Variants in CAPN9 observed in about 807,000 individuals in gnomAD.
CAPN9 encodes the protein calpain-9.
A neutral mutation model predicts 92.8 loss-of-function variants in CAPN9; 81 were observed. The ratio of observed to expected loss-of-function variants is 0.87; its 90% CI spans 0.73 to 1.05. The LOEUF is 1.05. CAPN9 is among the 50% of genes least tolerant of loss of function. The pLI is 0.00. For synonymous variants in CAPN9, 304 were observed against 328.0 expected, an observed-to-expected ratio of 0.93 and a Z score of 0.79; for missense variants, 848 against 866.2, an observed-to-expected ratio of 0.98 and a Z score of 0.26.
chr1:230,787,497 GC>G, intron 12 of CAPN9, 24 bp from the exon 13 acceptor site: 1 of 1,597,906 alleles, frequency 6.3e-7, no homozygotes, highest in East Asian at 2.2e-5. Context: ...ATCATTTTGT[GC>G]AAGTTTCTTT....
intron 14 of CAPN9, among the ~76,000 whole-genome samples, chr1:230,790,998 T>G (rs2102926268): frequency 6.6e-6 from 1 of 152,352 alleles, no homozygotes; most frequent in Non-Finnish European, 1.5e-5. Flanking sequence ...TCTGACTGGC[T>G]TTTCTCACAT....
At chr1:230,751,547 A>G (rs1215228262) in intron 1 of CAPN9, among the ~76,000 whole-genome samples, 1 of 150,544 alleles carries the variant, frequency 6.6e-6, no homozygotes, top group Non-Finnish European at 1.5e-5. Context: ...GATAGAAAAA[A>G]AGAAAGGAAG....
At chr1:230,762,320 C>T (rs1490835261) in intron 3 of CAPN9, among the ~76,000 whole-genome samples, 1 of 152,222 alleles carries the variant, frequency 6.6e-6, no homozygotes, top group Admixed American at 6.5e-5. Context: ...CCCACAAAAA[C>T]AACTTTCTTG....
intron 12 of CAPN9, 56 bp from the exon 13 acceptor site, chr1:230,787,466 T>A: frequency 2.0e-6 from 3 of 1,489,686 alleles, no homozygotes; most frequent in Non-Finnish European, 2.8e-6. Context: ...CTGCTATTTT[T>A]GTCATGTTTC....
chr1:230,769,661 CTATCTATCTATCT>C (rs1359102822), intron 6 of CAPN9, among the ~76,000 whole-genome samples: 3 of 124,010 alleles, frequency 2.4e-5, no homozygotes, highest in Admixed American at 8.0e-5. Flanking sequence ...ATCTATCTAT[CTATCTATCTATCT>C]ATCTATCTAC....
intron 11 of CAPN9, 51 bp downstream of exon 11, chr1:230,780,759 C>A: frequency 6.8e-7 from 1 of 1,479,898 alleles, no homozygotes; most frequent in Non-Finnish European, 9.4e-7. Context: ...GTGGTTTATT[C>A]ACACAGAAGT....
chr1:230,775,916 C>CAAA (rs34406575), intron 8 of CAPN9, among the ~76,000 whole-genome samples: 15 of 110,556 alleles, frequency 1.4e-4, no homozygotes, highest in African/African-American at 4.4e-4. Flanking sequence ...TACTCCATCT[C>CAAA]AAAAAAAAAA....
At chr1:230,772,625 C>A (rs967201503) in intron 7 of CAPN9, among the ~76,000 whole-genome samples, 1 of 152,096 alleles carries the variant, frequency 6.6e-6, no homozygotes, top group Non-Finnish European at 1.5e-5. Flanking sequence ...GCCTATAATT[C>A]CAACACGTCA....
At position 230,778,569 on chromosome 1, in the gene CAPN9, G is replaced by A. The variant is rs186058145; in HGVS notation, c.954-404G>A. On this transcript the variant is annotated intron_variant, in intron 8 of 19. Coordinates refer to ENST00000271971, the MANE Select transcript of CAPN9 (RefSeq NM_006615.3). ...AGCACCTCAAGCACCTCTCTGCCTC[G>A]GGGCCTTGCTGTCCATCTGCCTAGA... 1.7e-4 allele frequency among the ~76,000 whole-genome samples: 26 copies of A among 152,086 alleles called. No homozygotes were observed. In the East Asian group the frequency reaches 2.5e-3, roughly 15 times the overall value.
chr1:230,795,293 G>A lies in CAPN9; in HGVS notation c.1987+14G>A, dbSNP rs200722745. On this transcript the variant is annotated intron_variant, in intron 18 of 19. Coordinates refer to ENST00000271971, the MANE Select transcript of CAPN9 (RefSeq NM_006615.3). Reference sequence around the variant, plus strand: ...AGAATGCGAGCCGTAAGTGTCCAGCGAGGCTGAGGGTGCACCTCGGGGTGG... The same window carrying A: ...AGAATGCGAGCCGTAAGTGTCCAGCAAGGCTGAGGGTGCACCTCGGGGTGG... 84 of 1,538,048 alleles carry A rather than the reference G, an allele frequency of 5.5e-5. No homozygotes were observed. The highest frequency in any genetic ancestry group is 2.7e-4 in the Admixed American group (16 of 59,844).
chr1:230,754,850 G>A (rs28359596), intron 1 of CAPN9, among the ~76,000 whole-genome samples: 2,606 of 152,240 alleles, frequency 0.017, 34 homozygotes, highest in Admixed American at 0.026. Context: ...CTTTGTGGGG[G>A]AAGGATTATA....
intron 1 of CAPN9, among the ~76,000 whole-genome samples, chr1:230,751,647 GAAAGAAAGAAAGAAAGAAAGAA>G (rs1664830246): frequency 4.8e-5 from 5 of 104,006 alleles, no homozygotes; most frequent in Admixed American, 8.7e-5. Context: ...AAGAAAGAAA[GAAAGAAAGAAAGAAAGAAAGAA>G]AGAAAGAAAG....
chr1:230,772,012 A>G lies in CAPN9; in HGVS notation c.790-2A>G, dbSNP rs770858038. 5.0e-6 allele frequency: 8 copies of G among 1,613,732 alleles called. No individual in the cohort carries two copies. Among genetic ancestry groups the G allele is most frequent in the Non-Finnish European group, 6.8e-6 (8 of 1,179,604 alleles). On this transcript the variant is annotated splice_acceptor_variant, in intron 6 of 19. Transcript: ENST00000271971. LOFTEE classifies it high-confidence loss of function. ...CACTTCCCTCATGCTTTTCCCTTCTAGGTAAGCTTCCGAGGCCAGAGAATC... is the reference window on the plus strand; with the variant it reads ...CACTTCCCTCATGCTTTTCCCTTCTGGGTAAGCTTCCGAGGCCAGAGAATC...
Position 230,780,724 on chromosome 1 carries a change from A to G in CAPN9, c.1481+16A>G. 6.2e-7 allele frequency: 1 copy of G among 1,605,560 alleles called. No individual in the cohort carries two copies. The stretch of plus-strand genomic sequence containing the variant: ...CCATTACCCGGTGAGTCAGAGGAAC[A>G]GCTTCCAGAATCCCACTTCTTTTAG... On this transcript the variant is annotated intron_variant, in intron 11 of 19. Transcript: ENST00000271971.
intron 11 of CAPN9, among the ~76,000 whole-genome samples, chr1:230,781,470 G>C (rs1384685084): frequency 6.6e-6 from 1 of 152,166 alleles, no homozygotes; most frequent in East Asian, 1.9e-4. Context: ...TGGCAAATCT[G>C]CCTCTCATTT....
chr1:230,752,047 C>T (rs921148711), intron 1 of CAPN9, among the ~76,000 whole-genome samples: 9 of 152,176 alleles, frequency 5.9e-5, no homozygotes, highest in Admixed American at 1.3e-4. Context: ...AACAAATGTA[C>T]ATCCAGGATC....
intron 4 of CAPN9, among the ~76,000 whole-genome samples, chr1:230,765,471 C>T (rs1289995433): frequency 1.3e-5 from 2 of 151,986 alleles, no homozygotes; most frequent in Non-Finnish European, 2.9e-5. Flanking sequence ...CCAGCCTGGC[C>T]AACATGATGA....
rs757802876 is a variant in CAPN9, at chr1:230,780,254, T to C, written c.1190T>C (p.Leu397Pro). The C allele has an allele frequency of 3.7e-6, 6 of 1,614,044 alleles. No individual in the cohort carries two copies. The Admixed American group carries it at 1.0e-4, about 27-fold the overall frequency. ...KDEGQEECSF[L>P]VALMQKDRRK... is the part of the protein sequence containing the mutation. ...GAGGGGCAGGAGGAGTGTAGTTTCCTTGTAGCCCTGATGCAGAAAGATAGA... is the reference window on the plus strand; with the variant it reads ...GAGGGGCAGGAGGAGTGTAGTTTCCCTGTAGCCCTGATGCAGAAAGATAGA... Residue 397 changes from leucine to proline, a missense_variant, in exon 10 of 20, where the codon CTT becomes CCT. Leu to Pro is a moderately conservative substitution (Grantham distance 98, BLOSUM62 -3). Transcript: ENST00000271971.
At chr1:230,782,453 A>T (rs1667287336) in intron 11 of CAPN9, among the ~76,000 whole-genome samples, 1 of 152,166 alleles carries the variant, frequency 6.6e-6, no homozygotes, top group Admixed American at 6.5e-5. Flanking sequence ...TTTCTTTGAG[A>T]GCCCTTCAAG....
Sources: gnomAD v4.1 joint callset for allele counts (sites outside exome capture counted in the v4.1 genomes callset) on GRCh38, gnomAD v4.1.1 for gene constraint, MANE v1.5 for transcripts, NCBI Gene and HGNC (gene_info 2026-07-23, HGNC 2026-07-21) for gene names.